The following GRB10 variants were observed in gnomAD, a reference collection of about 807,000 sequenced individuals.
GRB10 encodes the protein growth factor receptor-bound protein 10.
Under a neutral mutation model 80.9 loss-of-function variants are expected in GRB10, and 20 were observed. The observed-to-expected ratio is 0.25, with a 90% CI of 0.17 to 0.36. The LOEUF (loss-of-function observed/expected upper bound fraction) is 0.36, where lower values mean the gene tolerates loss of function less well. Among genes scored for constraint, GRB10 ranks in the 10% least tolerant of loss-of-function variants. GRB10 has a pLI of 1.00. For synonymous variants in GRB10, 291 were observed against 291.5 expected, an observed-to-expected ratio of 1.00 and a Z score of 0.02; for missense variants, 548 against 747.7, an observed-to-expected ratio of 0.73 and a Z score of 3.12.
At chr7:50,619,871 C>T (rs12537913) in intron 8 of GRB10, among the ~76,000 whole-genome samples, 28,156 of 152,160 alleles carry the variant, frequency 0.19, 3,109 homozygotes, top group Non-Finnish European at 0.26. Context: ...CCGAATTACA[C>T]GTGAAGGCAG....
chr7:50,748,009 G>A (rs182169825), intron 3 of GRB10, among the ~76,000 whole-genome samples: 14 of 152,246 alleles, frequency 9.2e-5, no homozygotes, highest in East Asian at 5.8e-4. Context: ...CATGCGTGCA[G>A]GTGGCAAATT....
At chr7:50,762,182 T>C (rs894768787) in intron 2 of GRB10, among the ~76,000 whole-genome samples, 2 of 151,866 alleles carry the variant, frequency 1.3e-5, no homozygotes, top group Non-Finnish European at 2.9e-5. Flanking sequence ...TTTAGTAAGA[T>C]TGCGATCCCA....
chr7:50,713,209 G>T (rs560872990), intron 4 of GRB10, among the ~76,000 whole-genome samples: 293 of 152,196 alleles, frequency 1.9e-3, no homozygotes, highest in Middle Eastern at 6.8e-3. Context: ...GATCACACAT[G>T]GAAAGCACGG....
intron 4 of GRB10, among the ~76,000 whole-genome samples, chr7:50,704,980 C>T (rs925653350): frequency 6.6e-6 from 1 of 152,316 alleles, no homozygotes; most frequent in Admixed American, 6.5e-5. Flanking sequence ...ACTCAAAAGG[C>T]ACATTGATTT....
At chr7:50,631,848 A>G (rs185631677) in intron 7 of GRB10, among the ~76,000 whole-genome samples, 131 of 152,346 alleles carry the variant, frequency 8.6e-4, no homozygotes, top group African/African-American at 3.0e-3. Context: ...TCTGGAAGGC[A>G]GAAAGCTTGC....
intron 5 of GRB10, among the ~76,000 whole-genome samples, chr7:50,690,312 CAAACAAACAAAA>C (rs2062653039): frequency 2.1e-5 from 1 of 48,736 alleles, no homozygotes. Context: ...AACAAACAAA[CAAACAAACAAAA>C]AAAACAGAAA....
chr7:50,738,264 T>C (rs2071146989), intron 3 of GRB10, among the ~76,000 whole-genome samples: 1 of 152,204 alleles, frequency 6.6e-6, no homozygotes, highest in Non-Finnish European at 1.5e-5. Context: ...AAGCATATAA[T>C]AGCAACTCCA....
In GRB10 at chr7:50,614,994, C is replaced by T. The variant is rs780720744; in HGVS notation, c.985-114G>A. On this transcript the variant is annotated intron_variant, in intron 11 of 18. Transcript: ENST00000401949. ...CTTACAAGCACTTTCCCCGATGACA[C>T]TATACATATTACATATGATTATTAC... 8 of 738,946 alleles carry T rather than the reference C, an allele frequency of 1.1e-5. No individual in the cohort carries two copies. In the Admixed American group the frequency reaches 1.5e-4, roughly 14 times the overall value. 45.8% of individuals were successfully genotyped at this position (738,946 alleles called of 1,614,324 possible).
intron 2 of GRB10, among the ~76,000 whole-genome samples, chr7:50,777,319 C>G (rs983038850): frequency 3.3e-5 from 5 of 152,010 alleles, no homozygotes; most frequent in Admixed American, 2.6e-4. Context: ...TATGTCCACT[C>G]TTATGACTTA....
rs901668660 is a variant in GRB10 at position 50,614,792 on chromosome 7, G to T, written c.1073C>A (p.Thr358Lys). The T allele has an allele frequency of 6.2e-7, 1 of 1,613,426 alleles. No individual in the cohort carries two copies. Among genetic ancestry groups the T allele is most frequent in the Non-Finnish European group, 8.5e-7 (1 of 1,179,504 alleles). The change falls in exon 12 of 19, where the codon ACA (threonine) becomes AAA (lysine). Residue 358 changes from threonine (T) to lysine (K), a missense_variant. Thr to Lys is a moderately conservative substitution (Grantham distance 78). Around this residue, in one of 4 missense-constraint regions of GRB10, gnomAD observed 270 missense variants for 433.6 expected, o/e 0.62. Coordinates refer to ENST00000401949, the MANE Select transcript of GRB10 (RefSeq NM_001350814.2). ...TACCTTTATGCAGAGCCCGTGGTCTGTAGGGGCGTTGTACTGCTTCCTGCC... is the reference window on the plus strand; with the variant it reads ...TACCTTTATGCAGAGCCCGTGGTCTTTAGGGGCGTTGTACTGCTTCCTGCC... ...IAGRKQYNAP[T>K]DHGLCIKPNK...
chr7:50,612,924 A>C, intron 12 of GRB10, 85 bp from the exon 13 acceptor site: 1 of 808,176 alleles, frequency 1.2e-6, no homozygotes, highest in Non-Finnish European at 2.1e-6. Context: ...ATCTGACACA[A>C]ACCAGAGACA....
intron 2 of GRB10, chr7:50,779,711 G>A (rs1468701915): frequency 1.3e-5 from 2 of 152,194 alleles, no homozygotes; most frequent in Non-Finnish European, 2.9e-5. Context: ...TGTTGGCAAC[G>A]GCACATCACC....
At chr7:50,776,719 G>A (rs140748970) in intron 2 of GRB10, among the ~76,000 whole-genome samples, 3 of 152,118 alleles carry the variant, frequency 2.0e-5, no homozygotes, top group Admixed American at 6.5e-5. Flanking sequence ...AGTTCTTTGC[G>A]CCTTTGTAGC....
intron 7 of GRB10, among the ~76,000 whole-genome samples, chr7:50,652,922 A>G (rs545496729): frequency 6.6e-6 from 1 of 152,238 alleles, no homozygotes; most frequent in East Asian, 1.9e-4. Context: ...GCCCTCAACA[A>G]CACAATTCAC....
At chr7:50,682,140 A>C (rs1387700460) in intron 5 of GRB10, among the ~76,000 whole-genome samples, 1 of 152,250 alleles carries the variant, frequency 6.6e-6, no homozygotes, top group Non-Finnish European at 1.5e-5. Context: ...CCTGAAGGGC[A>C]TAAGGGAATC....
intron 3 of GRB10, among the ~76,000 whole-genome samples, chr7:50,742,294 CACACACACACACACACACACAT>C (rs1451317361): frequency 3.5e-5 from 5 of 144,908 alleles, no homozygotes; most frequent in African/African-American, 1.1e-4. Context: ...CACACACACA[CACACACACACACACACACACAT>C]ACACGGCATC....
intron 2 of GRB10, among the ~76,000 whole-genome samples, chr7:50,774,250 G>C (rs1485812738): frequency 6.6e-6 from 1 of 152,160 alleles, no homozygotes; most frequent in Admixed American, 6.5e-5. Context: ...AGGGTGCAGG[G>C]TCTCTTTTTG....
chr7:50,656,333 C>T (rs2058643557), intron 7 of GRB10, among the ~76,000 whole-genome samples: 1 of 152,158 alleles, frequency 6.6e-6, no homozygotes, highest in African/African-American at 2.4e-5. Flanking sequence ...GTCAGGGAGG[C>T]AGCGGCAGTG....
chr7:50,657,470 C>T (rs918614744), intron 7 of GRB10, among the ~76,000 whole-genome samples: 4 of 152,038 alleles, frequency 2.6e-5, no homozygotes, highest in Admixed American at 6.5e-5. Context: ...AAACACTACC[C>T]GTGAACAAAA....
Sources: allele counts gnomAD v4.1 joint callset (sites outside exome capture counted in the v4.1 genomes callset), GRCh38; gene constraint gnomAD v4.1.1; regional missense constraint gnomAD v4.1.1; transcripts MANE v1.5; gene names NCBI Gene and HGNC (gene_info 2026-07-23, HGNC 2026-07-21).